The following ZNF337 variants were observed in gnomAD, a reference collection of about 807,000 sequenced individuals.
The protein encoded by ZNF337 is zinc finger protein 337.
Under a neutral mutation model 12.1 loss-of-function variants are expected in ZNF337, and 8 were observed. The observed-to-expected ratio is 0.66, with a 90% CI of 0.39 to 1.19. The LOEUF (loss-of-function observed/expected upper bound fraction) is 1.19, where lower values mean the gene tolerates loss of function less well. Among genes scored for constraint, ZNF337 ranks in the 50% most tolerant of loss-of-function variants. The pLI is 0.01. For synonymous variants in ZNF337, 336 were observed against 320.0 expected (o/e 1.05, Z -0.53); for missense variants, 882 against 896.6 (o/e 0.98, Z 0.21).
chr20:25,676,255 C>T lies in ZNF337; in HGVS notation c.1033G>A (p.Glu345Lys). 1.2e-6 allele frequency: 2 copies of T among 1,614,036 alleles called. No individual in the cohort carries two copies. Among genetic ancestry groups the T allele is most frequent in the Non-Finnish European group, 1.7e-6 (2 of 1,179,986 alleles). ...FVVHKRIHSG[E>K]KPYRCQECGR... is the part of the protein sequence containing the mutation. ...CACTCCTGGCATCTGTAAGGCTTCT[C>T]TCCTGAGTGTATTCTCTTGTGCACA... The change falls in exon 5 of 5, where the codon GAG becomes AAG. Residue 345 changes from glutamate to lysine, a missense_variant. Physicochemically the swap from Glu to Lys is moderately conservative, Grantham distance 56. Coordinates refer to ENST00000252979, the MANE Select transcript of ZNF337 (RefSeq NM_015655.4).
chr20:25,681,899 A>C (rs1258088296), intron 4 of ZNF337, among the ~76,000 whole-genome samples: 4 of 152,246 alleles, frequency 2.6e-5, no homozygotes, highest in Admixed American at 2.6e-4. Flanking sequence ...GAGCATCAAA[A>C]GGAAGATGGA....
rs774743705 is a variant in ZNF337, at chr20:25,677,035, T to C, written c.253A>G (p.Ile85Val). Reference protein sequence around the residue: ...RRRRPGPCAGIYAEHVLRPKN... With the variant: ...RRRRPGPCAGVYAEHVLRPKN... ...GGCCGCAGGACATGTTCTGCATATA[T>C]TCCTGGAGAATAGACCAACAATGAG... The change falls in exon 5 of 5, where the codon ATA becomes GTA. Residue 85 changes from isoleucine (I) to valine (V), a missense_variant and splice_region_variant. Transcript: ENST00000252979. 1.3e-6 allele frequency: 2 copies of C among 1,595,994 alleles called. No homozygotes were observed. The highest frequency in any genetic ancestry group is 4.5e-5 in the East Asian group (2 of 44,716).
At chr20:25,686,787 C>CAAG (rs1555886096) in intron 1 of ZNF337, 1 of 287,188 alleles carries the variant, frequency 3.5e-6, no homozygotes, top group African/African-American at 2.2e-5. Flanking sequence ...TTGCACTGGA[C>CAAG]AGAATACACA....
At chr20:25,678,721 G>A (rs1338589000) in intron 4 of ZNF337, among the ~76,000 whole-genome samples, 1 of 152,140 alleles carries the variant, frequency 6.6e-6, no homozygotes, top group East Asian at 1.9e-4. Flanking sequence ...TGTGGCAGGC[G>A]GATTGCTTGA....
At position 25,673,857 on chromosome 20, in the gene ZNF337, T is replaced by C. The variant is rs1420210870; in HGVS notation, c.*1175A>G. ...GTCTACTCTGCTCTTTGTAGGCACT[T>C]TCCCTACATTTTCAAAGGCCTGCAT... On this transcript the variant is annotated 3_prime_UTR_variant, in exon 5 of 5. Coordinates refer to ENST00000252979, the MANE Select transcript of ZNF337 (RefSeq NM_015655.4). The C allele has an allele frequency of 1.3e-5, 2 of 152,284 alleles. No individual in the cohort carries two copies. The highest frequency in any genetic ancestry group is 2.1e-4 in the South Asian group (1 of 4,814). 9.4% of individuals were successfully genotyped at this position (152,284 alleles called of 1,614,324 possible). A position where few individuals can be genotyped will look rare whatever the true frequency, so the allele number is the denominator to read the frequency against.
intron 3 of ZNF337, 95 bp downstream of exon 3, chr20:25,685,901 T>TA: frequency 2.0e-6 from 3 of 1,513,428 alleles, no homozygotes; most frequent in Non-Finnish European, 2.7e-6. Flanking sequence ...CTCAGGGGAA[T>TA]AGAGAAAACA....
At chr20:25,685,751 GA>G (rs1212930998) in intron 3 of ZNF337, 89 bp from the exon 4 acceptor site, 2 of 1,274,398 alleles carry the variant, frequency 1.6e-6, no homozygotes, top group African/African-American at 2.9e-5. Flanking sequence ...GGAAGGGAGG[GA>G]GAATCAGAGG....
intron 3 of ZNF337, among the ~76,000 whole-genome samples, 153 bp from the exon 4 acceptor site, chr20:25,685,815 G>A (rs1465979953): frequency 6.6e-6 from 1 of 152,210 alleles, no homozygotes; most frequent in African/African-American, 2.4e-5. Flanking sequence ...AACCCCCAGG[G>A]GGAGCCCCAG....
intron 4 of ZNF337, among the ~76,000 whole-genome samples, chr20:25,684,482 C>T (rs2065804525): frequency 6.6e-6 from 1 of 152,056 alleles, no homozygotes; most frequent in African/African-American, 2.4e-5. Context: ...ACAACAGATG[C>T]TTGAGAGGAT....
At chr20:25,686,657 A>G in intron 1 of ZNF337, 191 bp from the exon 2 acceptor site, 2 of 567,894 alleles carry the variant, frequency 3.5e-6, no homozygotes, top group Admixed American at 3.4e-5. Context: ...CTGGGAGTGA[A>G]GTGTGCCCCA....
chr20:25,686,201 T>A (rs1343996930), intron 2 of ZNF337, 79 bp from the exon 3 acceptor site: 1 of 1,599,746 alleles, frequency 6.3e-7, no homozygotes, highest in African/African-American at 1.4e-5. Context: ...TTCTGCCATC[T>A]GTACACAGAT....
chr20:25,676,335 T>C lies in ZNF337; in HGVS notation c.953A>G (p.Lys318Arg). The part of the protein sequence containing the change: ...NKHLKAHSGE[K>R]PFVCKECGRG... ...CCCACACTCCTTGCACACAAAAGGC[T>C]TCTCCCCTGAATGCGCCTTCAAGTG... Residue 318 changes from lysine (K) to arginine (R), a missense_variant, in exon 5 of 5, where the codon AAG (lysine) becomes AGG (arginine). Transcript: ENST00000252979. The C allele has an allele frequency of 1.2e-6, 2 of 1,614,174 alleles. No homozygotes were observed. The highest frequency in any genetic ancestry group is 1.7e-6 in the Non-Finnish European group (2 of 1,180,026).
chr20:25,685,774 G>T, intron 3 of ZNF337, 112 bp from the exon 4 acceptor site: 1 of 1,187,926 alleles, frequency 8.4e-7, no homozygotes, highest in Non-Finnish European at 1.2e-6. Context: ...GGAAGGCTCA[G>T]GAGGACCCTG....
chr20:25,690,279 C>T (rs562649475), intron 1 of ZNF337, among the ~76,000 whole-genome samples: 16 of 151,390 alleles, frequency 1.1e-4, no homozygotes, highest in Non-Finnish European at 1.8e-4. Flanking sequence ...GAAAACAAAA[C>T]AACAACAACA....
Position 25,675,164 on chromosome 20 carries a change from T to C in ZNF337, c.2124A>G (p.Thr708=), listed in dbSNP as rs116366148. Residue 708 remains threonine, a synonymous_variant, in exon 5 of 5, where the codon ACA becomes ACG. Coordinates refer to ENST00000252979, the MANE Select transcript of ZNF337 (RefSeq NM_015655.4). ...CTTGGCATTCATAAGGCCTCTCTCC[T>C]GTGTGTATTCTTTCATGCACAGTGA... ...SDLTVHERIH[T]GERPYECQEC... is the part of the protein sequence containing the mutation. 9.7e-5 allele frequency: 157 copies of C among 1,614,262 alleles called. 2 individuals are homozygous for C. The African/African-American group carries it at 1.9e-3, about 20-fold the overall frequency.
intron 1 of ZNF337, 117 bp from the exon 2 acceptor site, chr20:25,686,583 C>T (rs928650498): frequency 2.3e-5 from 17 of 750,924 alleles, no homozygotes; most frequent in Non-Finnish European, 3.4e-5. Flanking sequence ...GCACAATTCC[C>T]CTGTGGGGAT....
In ZNF337 at chr20:25,685,639, G is replaced by A. The variant is rs141028506; in HGVS notation, c.178C>T (p.Leu60Phe). Residue 60 changes from leucine (L) to phenylalanine (F), a missense_variant, in exon 4 of 5, where the codon CTC (leucine) becomes TTC (phenylalanine). By Grantham distance (22) the Leu-to-Phe change is conservative. Transcript: ENST00000252979. ...SLGILHSKPELIRRLEQGEVP... is the reference protein window; with the variant it reads ...SLGILHSKPEFIRRLEQGEVP... ...TCCCCTTGCTCTAGCCGCCTGATGA[G>A]TTCTGGTTTAGAATGGAGAATTCCT... The A allele has an allele frequency of 7.2e-5, 117 of 1,614,032 alleles. No individual in the cohort carries two copies. Among genetic ancestry groups the A allele is most frequent in the Non-Finnish European group, 9.2e-5 (109 of 1,180,024 alleles).
rs2065697930 is a variant in ZNF337 at position 25,676,645 on chromosome 20, G to C, written c.643C>G (p.Gln215Glu). 6.2e-7 allele frequency: 1 copy of C among 1,614,124 alleles called. No individual in the cohort carries two copies. Residue 215 changes from glutamine (Q) to glutamate (E), a missense_variant, in exon 5 of 5, where the codon CAG becomes GAG. By Grantham distance (29) the Gln-to-Glu change is conservative. Coordinates refer to ENST00000252979, the MANE Select transcript of ZNF337 (RefSeq NM_015655.4). ...QKLFTCRECHQGFRDESALLL... is the reference protein window; with the variant it reads ...QKLFTCRECHEGFRDESALLL... ...AATGCTGACTCATCTCTAAAGCCCT[G>C]GTGACACTCCCTGCATGTAAAAAGT... is the stretch of plus-strand genomic sequence containing the variant.
chr20:25,676,107 T>A lies in ZNF337; in HGVS notation c.1181A>T (p.His394Leu). ...CTTCTCCCCTGAGTGTGTTCTCTGG[T>A]GTCTGAGGAGACTTCCTTTCACGCT... The part of the protein sequence containing the change: ...SFSVKGSLLR[H>L]QRTHSGEKPF... The change falls in exon 5 of 5, where the codon CAC becomes CTC. Residue 394 changes from histidine to leucine, a missense_variant. His to Leu is a moderately conservative substitution (Grantham distance 99). Coordinates refer to ENST00000252979, the MANE Select transcript of ZNF337 (RefSeq NM_015655.4). 2 of 1,614,050 alleles carry A rather than the reference T, an allele frequency of 1.2e-6. No individual in the cohort carries two copies. The highest frequency in any genetic ancestry group is 8.5e-7 in the Non-Finnish European group (1 of 1,179,970).
Sources: allele counts gnomAD v4.1 joint callset (sites outside exome capture counted in the v4.1 genomes callset), GRCh38; gene constraint gnomAD v4.1.1; transcripts MANE v1.5; gene names NCBI Gene and HGNC (gene_info 2026-07-23, HGNC 2026-07-21).